TMED8: variants seen among roughly 807,000 people sequenced by gnomAD.
TMED8 encodes the protein transmembrane p24 trafficking protein family member 8, also known as protein TMED8.
In TMED8, 15 loss-of-function variants were observed where a neutral mutation model predicts 32.7. The observed-to-expected ratio is 0.46, with a 90% confidence interval of 0.31 to 0.71. The LOEUF (loss-of-function observed/expected upper bound fraction) is 0.71. Among genes scored for constraint, TMED8 ranks in the 30% least tolerant of loss-of-function variants. The pLI, the probability that TMED8 is intolerant of heterozygous loss-of-function variation, is 0.06. For missense variants in TMED8, 390 were observed against 423.9 expected (o/e 0.92, Z 0.70); for synonymous variants, 147 against 161.4 (o/e 0.91, Z 0.68).
chr14:77,370,643 G>A (rs1366466807), intron 1 of TMED8, among the ~76,000 whole-genome samples: 1 of 152,034 alleles, frequency 6.6e-6, no homozygotes, highest in Non-Finnish European at 1.5e-5. Flanking sequence ...TAAGTATACA[G>A]TGAAAAATTT....
chr14:77,360,195 G>A (rs1235369881), intron 1 of TMED8, among the ~76,000 whole-genome samples: 2 of 152,026 alleles, frequency 1.3e-5, no homozygotes, highest in Admixed American at 6.6e-5. Context: ...ATTGTATGTG[G>A]CAAAAGCACC....
At chr14:77,367,010 C>T (rs1335843018) in intron 1 of TMED8, among the ~76,000 whole-genome samples, 1 of 151,872 alleles carries the variant, frequency 6.6e-6, no homozygotes, top group Non-Finnish European at 1.5e-5. Flanking sequence ...TTTGGGAGCC[C>T]GAGGCAGGCA....
At chr14:77,351,129 C>A (rs556350757) in intron 2 of TMED8, among the ~76,000 whole-genome samples, 5 of 152,170 alleles carry the variant, frequency 3.3e-5, no homozygotes, top group African/African-American at 1.2e-4. Context: ...AAGAAGTAAG[C>A]CTCAGGCATC....
intron 1 of TMED8, among the ~76,000 whole-genome samples, chr14:77,357,416 T>C (rs543365409): frequency 6.6e-6 from 1 of 152,148 alleles, no homozygotes; most frequent in South Asian, 2.1e-4. Flanking sequence ...AACTAGAAAA[T>C]GACTTTTCCA....
At chr14:77,365,711 A>G (rs1213150592) in intron 1 of TMED8, among the ~76,000 whole-genome samples, 1 of 152,234 alleles carries the variant, frequency 6.6e-6, no homozygotes, top group Non-Finnish European at 1.5e-5. Context: ...ACTGGAGAGA[A>G]TATCCAAAGC....
intron 1 of TMED8, among the ~76,000 whole-genome samples, chr14:77,370,935 C>T (rs958525360): frequency 9.9e-5 from 15 of 151,020 alleles, no homozygotes; most frequent in African/African-American, 3.7e-4. Flanking sequence ...GGCAACAGTG[C>T]GAGACTCTGT....
intron 3 of TMED8, among the ~76,000 whole-genome samples, chr14:77,345,591 T>C (rs1359866799): frequency 6.7e-6 from 1 of 149,988 alleles, no homozygotes; most frequent in African/African-American, 2.4e-5. Flanking sequence ...GCCCAGGATT[T>C]TGAGGCTGCA....
At chr14:77,362,936 T>C (rs1006056415) in intron 1 of TMED8, among the ~76,000 whole-genome samples, 2 of 152,122 alleles carry the variant, frequency 1.3e-5, no homozygotes, top group Non-Finnish European at 2.9e-5. Context: ...CAATTATAAA[T>C]ACATATGCAC....
intron 2 of TMED8, among the ~76,000 whole-genome samples, chr14:77,347,293 GA>G (rs1893070341): frequency 6.6e-6 from 1 of 152,214 alleles, no homozygotes. Context: ...ACAAAATGAT[GA>G]TCAAGGCAAC....
chr14:77,341,791 G>A lies in TMED8; in HGVS notation c.958C>T (p.His320Tyr), dbSNP rs1353124374. Residue 320 changes from histidine (H) to tyrosine (Y), a missense_variant, in exon 6 of 6, where the codon CAC becomes TAC. By Grantham distance (83) the His-to-Tyr change is moderately conservative. Transcript: ENST00000216468. Reference sequence around the variant, plus strand: ...GTCCTTCAGCTGGTGTAGTAGATGTGGAAGTAGAGAGTCTTGTTGCGCAGC... The same window carrying A: ...GTCCTTCAGCTGGTGTAGTAGATGTAGAAGTAGAGAGTCTTGTTGCGCAGC... ...SLLRNKTLYF[H>Y]IYYTS The A allele has an allele frequency of 8.7e-6, 14 of 1,614,056 alleles. No homozygotes were observed. Among genetic ancestry groups the A allele is most frequent in the Non-Finnish European group, 1.2e-5 (14 of 1,180,032 alleles).
chr14:77,350,585 G>A (rs1357712406), intron 2 of TMED8, among the ~76,000 whole-genome samples: 1 of 152,192 alleles, frequency 6.6e-6, no homozygotes, highest in Non-Finnish European at 1.5e-5. Context: ...TACTGTGTGT[G>A]ACATCTAAAA....
chr14:77,376,909 A>G lies in TMED8; in HGVS notation c.118+27T>C. On this transcript the variant is annotated intron_variant, in intron 1 of 5. Coordinates refer to ENST00000216468, the MANE Select transcript of TMED8 (RefSeq NM_213601.3). The surrounding 1 kb of genome is among the most constrained non-coding windows in gnomAD (Gnocchi z 4.0). ...GGGGCCCTGAGGCCGGGCGGCACCC[A>G]CCCGCCAGCGCCCCGGCCTTGCGTA... The G allele has an allele frequency of 7.4e-7, 1 of 1,351,708 alleles. No homozygotes were observed. Among genetic ancestry groups the G allele is most frequent in the South Asian group, 1.5e-5 (1 of 65,900 alleles). The allele number at this position is 1,351,708 out of a possible 1,614,324, so 83.7% of individuals were successfully genotyped here.
chr14:77,350,344 T>C (rs1181296749), intron 2 of TMED8, among the ~76,000 whole-genome samples: 2 of 152,246 alleles, frequency 1.3e-5, no homozygotes, highest in African/African-American at 4.8e-5. Context: ...AGAGCAGTGA[T>C]GGACTATTTT....
In TMED8 at chr14:77,341,781, T is replaced by C. The variant is rs148209991; in HGVS notation, c.968A>G (p.Tyr323Cys). The C allele has an allele frequency of 6.2e-7, 1 of 1,613,884 alleles. No individual in the cohort carries two copies. The highest frequency in any genetic ancestry group is 1.3e-5 in the African/African-American group (1 of 74,872). Residue 323 changes from tyrosine to cysteine, a missense_variant, in exon 6 of 6, where the codon TAC becomes TGC. Tyr to Cys is a radical substitution (Grantham distance 194). Coordinates refer to ENST00000216468, the MANE Select transcript of TMED8 (RefSeq NM_213601.3). ...RNKTLYFHIY[Y>C]TS is the part of the protein sequence containing the mutation. Reference sequence around the variant, plus strand: ...TGTCCCAGCAGTCCTTCAGCTGGTGTAGTAGATGTGGAAGTAGAGAGTCTT... The same window carrying C: ...TGTCCCAGCAGTCCTTCAGCTGGTGCAGTAGATGTGGAAGTAGAGAGTCTT...
At position 77,351,719 on chromosome 14, in the gene TMED8, A is replaced by C; in HGVS notation, c.151T>G (p.Leu51Val). The change falls in exon 2 of 6, where the codon TTA (leucine) becomes GTA (valine). Residue 51 changes from leucine to valine, a missense_variant. Transcript: ENST00000216468. ...NEDLENKDTS[L>V]LASATDPEPC... ...TCTGGATCGGTGGCAGAAGCCAATAAAGAGGTATCCTTGTTTTCTAGATCT... is the reference window on the plus strand; with the variant it reads ...TCTGGATCGGTGGCAGAAGCCAATACAGAGGTATCCTTGTTTTCTAGATCT... The C allele has an allele frequency of 6.2e-7, 1 of 1,613,300 alleles. No individual in the cohort carries two copies. The highest frequency in any genetic ancestry group is 1.1e-5 in the South Asian group (1 of 90,930).
intron 1 of TMED8, among the ~76,000 whole-genome samples, chr14:77,366,531 G>A (rs1221107957): frequency 1.3e-5 from 2 of 152,082 alleles, no homozygotes; most frequent in African/African-American, 4.8e-5. Flanking sequence ...TCCTCTTTCT[G>A]CTTAAGACAG....
chr14:77,345,113 G>A (rs1176223468), intron 3 of TMED8, among the ~76,000 whole-genome samples: 3 of 152,068 alleles, frequency 2.0e-5, no homozygotes, highest in Non-Finnish European at 2.9e-5. Context: ...TCAGCCTCCC[G>A]AGTAGCTGGG....
intron 1 of TMED8, among the ~76,000 whole-genome samples, chr14:77,354,780 C>G (rs1190512567): frequency 1.3e-5 from 2 of 152,114 alleles, no homozygotes; most frequent in African/African-American, 4.8e-5. Flanking sequence ...ACGGCAAAAC[C>G]CTGTCCTACT....
rs1892864002 is a variant in TMED8, at chr14:77,340,263, C to T, written c.*1508G>A. ...TACAGAAATAAAACATCATCGCTTCCCAAATTCTCCTAAAAATATCATCTT... is the reference window on the plus strand; with the variant it reads ...TACAGAAATAAAACATCATCGCTTCTCAAATTCTCCTAAAAATATCATCTT... On this transcript the variant is annotated 3_prime_UTR_variant, in exon 6 of 6. Coordinates refer to ENST00000216468, the MANE Select transcript of TMED8 (RefSeq NM_213601.3). 1 of 152,118 alleles carries T rather than the reference C, an allele frequency of 6.6e-6. No individual in the cohort carries two copies. The highest frequency in any genetic ancestry group is 2.4e-5 in the African/African-American group (1 of 41,392). 9.4% of individuals were successfully genotyped at this position (152,118 alleles called of 1,614,324 possible). A position where few individuals can be genotyped will look rare whatever the true frequency, so the allele number is the denominator to read the frequency against.
Sources: allele counts gnomAD v4.1 joint callset (sites outside exome capture counted in the v4.1 genomes callset), GRCh38; gene constraint gnomAD v4.1.1; non-coding constraint Gnocchi (gnomAD v3.1); transcripts MANE v1.5; gene names NCBI Gene and HGNC (gene_info 2026-07-23, HGNC 2026-07-21).